BIRC6: variants seen among roughly 807,000 people sequenced by gnomAD.
The protein encoded by BIRC6 is dual E2 ubiquitin-conjugating enzyme/E3 ubiquitin-protein ligase BIRC6.
A neutral mutation model predicts 503.3 loss-of-function variants in BIRC6; 98 were observed. The observed-to-expected ratio is 0.19, with a 90% CI of 0.17 to 0.23. BIRC6 has a LOEUF of 0.23. Among genes scored for constraint, BIRC6 ranks in the 10% least tolerant of loss-of-function variants. The pLI is 1.00. For missense variants in BIRC6, 5,360 were observed against 5,806.0 expected, an observed-to-expected ratio of 0.92 and a Z score of 2.50; for synonymous variants, 2,240 against 2,078.7, an observed-to-expected ratio of 1.08 and a Z score of -2.11.
intron 37 of BIRC6, among the ~76,000 whole-genome samples, chr2:32,480,778 A>T (rs2050313488): frequency 6.6e-6 from 1 of 151,442 alleles, no homozygotes; most frequent in African/African-American, 2.4e-5. Context: ...AATAGCTGGG[A>T]TTACAGGCGG....
chr2:32,504,022 G>GT (rs1558912544), intron 49 of BIRC6, among the ~76,000 whole-genome samples: 1 of 100,674 alleles, frequency 9.9e-6, no homozygotes, highest in South Asian at 4.2e-4. Flanking sequence ...GGGGCGGGGG[G>GT]TGGGGGGGTG....
Position 32,489,349 on chromosome 2 carries a change from G to A in BIRC6, c.8095+635G>A, listed in dbSNP as rs116089258. On this transcript the variant is annotated intron_variant, in intron 42 of 73. Coordinates refer to ENST00000421745, the MANE Select transcript of BIRC6 (RefSeq NM_016252.4). ...GTGAGTGCCAGCTCCACTGAGTCACGCACAGATTCTACTTACATCTGCACT... is the reference window on the plus strand; with the variant it reads ...GTGAGTGCCAGCTCCACTGAGTCACACACAGATTCTACTTACATCTGCACT... Among the ~76,000 whole-genome samples the A allele has an allele frequency of 6.0e-3, 919 of 152,006 alleles. 7 individuals are homozygous for A. The highest frequency in any genetic ancestry group is 9.2e-3 in the Non-Finnish European group (625 of 67,988).
intron 32 of BIRC6, 39 bp from the exon 33 acceptor site, chr2:32,473,073 T>G: frequency 1.3e-6 from 2 of 1,503,768 alleles, no homozygotes; most frequent in Non-Finnish European, 1.8e-6. Context: ...AAAATCACAT[T>G]TAACAGAATT....
At chr2:32,552,549 A>G (rs1464405044) in intron 65 of BIRC6, among the ~76,000 whole-genome samples, 2 of 152,236 alleles carry the variant, frequency 1.3e-5, no homozygotes, top group Admixed American at 1.3e-4. Context: ...GGGAGCATAT[A>G]AGCTCCTTAG....
intron 65 of BIRC6, among the ~76,000 whole-genome samples, chr2:32,561,357 T>C (rs1266736398): frequency 6.6e-6 from 1 of 151,828 alleles, no homozygotes; most frequent in Non-Finnish European, 1.5e-5. Context: ...TTCTCCTGCC[T>C]CAGCGACCTG....
At chr2:32,515,870 C>A in intron 55 of BIRC6, 100 bp downstream of exon 55, 2 of 1,093,150 alleles carry the variant, frequency 1.8e-6, no homozygotes, top group Non-Finnish European at 1.3e-6. Context: ...GGTTGAGTGC[C>A]TTTAAGGATC....
rs1392169031 is a variant in BIRC6 at position 32,467,518 on chromosome 2, C to T, written c.5357-7C>T. On this transcript the variant is annotated splice_region_variant and splice_polypyrimidine_tract_variant and intron_variant, in intron 26 of 73. Transcript: ENST00000421745. ...TTTTGGTCAACTGTTTCTTCTTTCT[C>T]TCATAGGAGCAAGAAGATTTGTGAC... 4.3e-6 allele frequency: 7 copies of T among 1,611,580 alleles called. No individual in the cohort carries two copies. In the South Asian group the frequency reaches 7.7e-5, roughly 18 times the overall value.
At chr2:32,562,420 A>G (rs189807061) in intron 65 of BIRC6, among the ~76,000 whole-genome samples, 17 of 152,348 alleles carry the variant, frequency 1.1e-4, no homozygotes, top group African/African-American at 3.1e-4. Context: ...TGTAGTACAT[A>G]TAATTGATGA....
intron 44 of BIRC6, among the ~76,000 whole-genome samples, chr2:32,492,399 G>A (rs1463234787): frequency 6.6e-6 from 1 of 151,980 alleles, no homozygotes; most frequent in Non-Finnish European, 1.5e-5. Flanking sequence ...AAATAAATGA[G>A]ACAAGGAACA....
intron 5 of BIRC6, among the ~76,000 whole-genome samples, chr2:32,394,254 T>C (rs979906102): frequency 1.3e-5 from 2 of 151,670 alleles, no homozygotes; most frequent in Admixed American, 6.6e-5. Context: ...TTCTAGGAAA[T>C]GTTAGGGGCT....
chr2:32,469,777 G>A (rs374631137), intron 30 of BIRC6, among the ~76,000 whole-genome samples, 163 bp downstream of exon 30: 4 of 152,170 alleles, frequency 2.6e-5, no homozygotes, highest in African/African-American at 9.7e-5. Context: ...ACTGTGTATC[G>A]AAGAAGATAA....
In BIRC6 at chr2:32,386,434, GTCTC is replaced by G. The variant is rs75064270; in HGVS notation, c.646-2308_646-2305del. Among the ~76,000 whole-genome samples the G allele has an allele frequency of 2.0e-5, 3 of 150,222 alleles. No homozygotes were observed. The South Asian group carries it at 6.3e-4, about 32-fold the overall frequency. Reference sequence around the variant, plus strand: ...ATTTGATTACCTCTGTATCTTTTAAGTCTCTCTCTCTTTTTTTTTTTTTTTCCAA... The same window carrying G: ...ATTTGATTACCTCTGTATCTTTTAAGTCTCTCTTTTTTTTTTTTTTTCCAA... On this transcript the variant is annotated intron_variant, in intron 3 of 73. Transcript: ENST00000421745.
At chr2:32,573,279 C>T (rs1473748633) in intron 65 of BIRC6, among the ~76,000 whole-genome samples, 1 of 152,132 alleles carries the variant, frequency 6.6e-6, no homozygotes, top group Non-Finnish European at 1.5e-5. Context: ...CTCACTGCAG[C>T]CTCCGCCTCT....
At position 32,515,283 on chromosome 2, in the gene BIRC6, A is replaced by G; in HGVS notation, c.10862A>G (p.Glu3621Gly). Reference sequence around the variant, plus strand: ...CTTGCTTCCTCTTCTCAATCTCCTGAAGCTATTAAACAATTACTAGACTCA... The same window carrying G: ...CTTGCTTCCTCTTCTCAATCTCCTGGAGCTATTAAACAATTACTAGACTCA... ...ATLASSSQSP[E>G]AIKQLLDSGL... The change falls in exon 55 of 74, where the codon GAA becomes GGA. Residue 3621 changes from glutamate (E) to glycine (G), a missense_variant. Physicochemically the swap from Glu to Gly is moderately conservative, Grantham distance 98. Coordinates refer to ENST00000421745, the MANE Select transcript of BIRC6 (RefSeq NM_016252.4). The G allele has an allele frequency of 6.2e-7, 1 of 1,613,878 alleles. No homozygotes were observed. Among genetic ancestry groups the G allele is most frequent in the Non-Finnish European group, 8.5e-7 (1 of 1,179,888 alleles).
intron 10 of BIRC6, among the ~76,000 whole-genome samples, chr2:32,418,148 A>T (rs1332058624): frequency 1.3e-5 from 2 of 152,222 alleles, no homozygotes; most frequent in African/African-American, 4.8e-5. Flanking sequence ...ATCCAACTAG[A>T]TTAATTTAGA....
At chr2:32,472,649 A>C (rs2049234119) in intron 32 of BIRC6, among the ~76,000 whole-genome samples, 1 of 152,196 alleles carries the variant, frequency 6.6e-6, no homozygotes, top group Non-Finnish European at 1.5e-5. Context: ...TATTCCAAAA[A>C]AGGAGAGTAA....
chr2:32,361,479 A>C (rs1217130707), intron 1 of BIRC6, among the ~76,000 whole-genome samples: 2 of 152,160 alleles, frequency 1.3e-5, no homozygotes, highest in African/African-American at 4.8e-5. Flanking sequence ...AGTATTCTGC[A>C]CCAGAGTGGT....
At chr2:32,574,233 C>A (rs1004166166) in intron 65 of BIRC6, among the ~76,000 whole-genome samples, 1 of 144,964 alleles carries the variant, frequency 6.9e-6, no homozygotes, top group Non-Finnish European at 1.5e-5. Context: ...ATGATCTTGT[C>A]CTCCCCAGTT....
At chr2:32,527,821 G>T (rs919363970) in intron 59 of BIRC6, 1 of 152,144 alleles carries the variant, frequency 6.6e-6, no homozygotes, top group African/African-American at 2.4e-5. Context: ...TAAAATAGTC[G>T]AAATGGTTTT....
Sources: gnomAD v4.1 joint callset for allele counts (sites outside exome capture counted in the v4.1 genomes callset) on GRCh38, gnomAD v4.1.1 for gene constraint, MANE v1.5 for transcripts, NCBI Gene and HGNC (gene_info 2026-07-23, HGNC 2026-07-21) for gene names.